Variants in KIF14 observed in about 807,000 individuals in gnomAD.
The protein encoded by KIF14 is kinesin-like protein KIF14.
A neutral mutation model predicts 176.2 loss-of-function variants in KIF14; 98 were observed. The observed-to-expected ratio is 0.56, with a 90% confidence interval of 0.47 to 0.66. KIF14 has a LOEUF of 0.66. Ranked by LOEUF, KIF14 falls within the 30% of genes least tolerant of loss-of-function variation. The pLI, the probability that KIF14 is intolerant of heterozygous loss-of-function variation, is 0.00. For synonymous variants in KIF14, 566 were observed against 632.2 expected (o/e 0.90, Z 1.57); for missense variants, 1,751 against 1,920.4 (o/e 0.91, Z 1.65).
chr1:200,557,456 A>G (rs1656897141), intron 27 of KIF14, among the ~76,000 whole-genome samples: 1 of 152,218 alleles, frequency 6.6e-6, no homozygotes, highest in African/African-American at 2.4e-5. Flanking sequence ...ATCTCATATG[A>G]TCCTCAGAAC....
At chr1:200,570,635 C>A (rs925094333) in intron 22 of KIF14, among the ~76,000 whole-genome samples, 13 of 152,214 alleles carry the variant, frequency 8.5e-5, no homozygotes, top group African/African-American at 2.9e-4. Flanking sequence ...TGCACAGGGG[C>A]CAGCTTGAGG....
At chr1:200,567,869 C>T (rs1034025203) in intron 23 of KIF14, among the ~76,000 whole-genome samples, 1 of 150,752 alleles carries the variant, frequency 6.6e-6, no homozygotes, top group East Asian at 1.9e-4. Context: ...AGCTACAAAA[C>T]CCAAAGCTAC....
chr1:200,620,274 G>A (rs1660618203), intron 1 of KIF14, 137 bp downstream of exon 1: 1 of 152,244 alleles, frequency 6.6e-6, no homozygotes, highest in South Asian at 2.1e-4. Context: ...TACGGTTTCT[G>A]TTTGAGGAGT....
At chr1:200,597,357 T>C (rs1043716957) in intron 14 of KIF14, among the ~76,000 whole-genome samples, 2 of 152,148 alleles carry the variant, frequency 1.3e-5, no homozygotes, top group Non-Finnish European at 2.9e-5. Flanking sequence ...TGGCAACTCC[T>C]ACAAATTATT....
intron 23 of KIF14, among the ~76,000 whole-genome samples, chr1:200,567,963 T>C (rs1657561383): frequency 6.6e-6 from 1 of 152,152 alleles, no homozygotes; most frequent in Non-Finnish European, 1.5e-5. Context: ...ATATTCTCTA[T>C]TTAAGAAGAT....
intron 5 of KIF14, among the ~76,000 whole-genome samples, 191 bp downstream of exon 5, chr1:200,608,639 A>C (rs1660003980): frequency 6.6e-6 from 1 of 152,170 alleles, no homozygotes; most frequent in South Asian, 2.1e-4. Context: ...CTGGGATTAC[A>C]GGAGTGAGCC....
At chr1:200,579,383 G>T (rs1349938266) in intron 21 of KIF14, among the ~76,000 whole-genome samples, 1 of 152,146 alleles carries the variant, frequency 6.6e-6, no homozygotes, top group Non-Finnish European at 1.5e-5. Flanking sequence ...AAGGCGGGTG[G>T]ATCACCCGAG....
At chr1:200,607,708 C>T (rs1235794373) in intron 5 of KIF14, among the ~76,000 whole-genome samples, 1 of 151,956 alleles carries the variant, frequency 6.6e-6, no homozygotes, top group African/African-American at 2.4e-5. Flanking sequence ...CAGCTGACTT[C>T]CTTTTTTTTC....
At position 200,553,109 on chromosome 1, in the gene KIF14, A is replaced by C. The variant is rs1267265652; in HGVS notation, c.*279T>G. On this transcript the variant is annotated 3_prime_UTR_variant, in exon 30 of 30. Coordinates refer to ENST00000367350, the MANE Select transcript of KIF14 (RefSeq NM_014875.3). ...CAGGCACGCGCCACCATGCCCAGCA[A>C]ATTTTTGTATTTTTAGTAGAGACGG... 1.1e-5 allele frequency: 2 copies of C among 184,192 alleles called. No homozygotes were observed. Among genetic ancestry groups the C allele is most frequent in the East Asian group, 1.4e-4 (1 of 7,228 alleles). The allele number at this position is 184,192 out of a possible 1,614,324, so 11.4% of individuals were successfully genotyped here.
rs57476742 is a variant in KIF14, at chr1:200,593,927, G to GTTTTTT, written c.2550-164_2550-159dup. ...AAATTATTTTATTTTCCTCCAACTA[G>GTTTTTT]TTTTTTTTTTTTTTTTTTTTTGAGA... On this transcript the variant is annotated intron_variant, in intron 14 of 29. Transcript: ENST00000367350. Among the ~76,000 whole-genome samples, 415 of 100,536 alleles carry GTTTTTT rather than the reference G, an allele frequency of 4.1e-3. 13 individuals carry two copies. The highest frequency in any genetic ancestry group is 7.5e-3 in the East Asian group (25 of 3,312). The allele number at this position is 100,536 out of a possible 152,430, so 66.0% of individuals were successfully genotyped here.
intron 18 of KIF14, among the ~76,000 whole-genome samples, chr1:200,586,816 T>TAC (rs1553257549): frequency 2.9e-5 from 4 of 138,226 alleles, no homozygotes; most frequent in East Asian, 4.2e-4. Context: ...TATATATATA[T>TAC]ACACCATGAA....
intron 21 of KIF14, among the ~76,000 whole-genome samples, chr1:200,577,122 C>A (rs1658160107): frequency 7.1e-6 from 1 of 139,886 alleles, no homozygotes; most frequent in South Asian, 2.3e-4. Context: ...TCAGCATGGC[C>A]AACATGGTAA....
intron 4 of KIF14, among the ~76,000 whole-genome samples, chr1:200,613,177 C>T (rs552957452): frequency 9.2e-5 from 14 of 152,166 alleles, no homozygotes; most frequent in South Asian, 8.3e-4. Flanking sequence ...CATGAGCCAC[C>T]GCACCCAGCC....
At chr1:200,569,860 C>A (rs561754966) in intron 23 of KIF14, 51 bp downstream of exon 23, 15 of 972,784 alleles carry the variant, frequency 1.5e-5, no homozygotes, top group Non-Finnish European at 2.1e-5. Flanking sequence ...AATGGTAGAA[C>A]CAGGACTCAA....
Position 200,555,377 on chromosome 1 carries a change from T to C in KIF14, c.4428+3A>G. The C allele has an allele frequency of 6.5e-7, 1 of 1,541,004 alleles. No individual in the cohort carries two copies. The highest frequency in any genetic ancestry group is 8.8e-7 in the Non-Finnish European group (1 of 1,133,038). The stretch of plus-strand genomic sequence containing the variant: ...ATTAAAATCAATTTAAAGCTTCTCT[T>C]ACAATTTTCGATTCAGCAAAGATGT... On this transcript the variant is annotated splice_donor_region_variant and intron_variant, in intron 28 of 29. Transcript: ENST00000367350.
chr1:200,563,026 T>C (rs542156432), intron 25 of KIF14, among the ~76,000 whole-genome samples: 28 of 152,200 alleles, frequency 1.8e-4, no homozygotes, highest in Non-Finnish European at 3.7e-4. Flanking sequence ...TTTAGGGTTA[T>C]CAGAGAAGCA....
chr1:200,583,975 GGCTCACAA>G (rs1453670864), intron 19 of KIF14, among the ~76,000 whole-genome samples: 1 of 151,556 alleles, frequency 6.6e-6, no homozygotes, highest in Non-Finnish European at 1.5e-5. Context: ...GGGCCCCGGT[GGCTCACAA>G]CTGTAAACCC....
In KIF14 at chr1:200,565,686, T is replaced by C. The variant is rs1190847982; in HGVS notation, c.3662-17A>G. ...CCATTAAACCTACATCAACAGAAAA[T>C]AGCCATTTTAAGCTTGTTTTCAGGA... On this transcript the variant is annotated splice_polypyrimidine_tract_variant and intron_variant, in intron 23 of 29. Coordinates refer to ENST00000367350, the MANE Select transcript of KIF14 (RefSeq NM_014875.3). 1.3e-6 allele frequency: 2 copies of C among 1,504,714 alleles called. No individual in the cohort carries two copies. Among genetic ancestry groups the C allele is most frequent in the Non-Finnish European group, 1.8e-6 (2 of 1,113,594 alleles). The allele number at this position is 1,504,714 out of a possible 1,614,324, so 93.2% of individuals were successfully genotyped here. A position where few individuals can be genotyped will look rare whatever the true frequency, so the allele number is the denominator to read the frequency against.
chr1:200,592,019 G>A, intron 16 of KIF14, 61 bp downstream of exon 16: 2 of 1,378,264 alleles, frequency 1.5e-6, no homozygotes, highest in Non-Finnish European at 2.0e-6. Flanking sequence ...GGCACAATGT[G>A]ATTAACTCTG....
Sources: allele counts gnomAD v4.1 joint callset (sites outside exome capture counted in the v4.1 genomes callset), GRCh38; gene constraint gnomAD v4.1.1; transcripts MANE v1.5; gene names NCBI Gene and HGNC (gene_info 2026-07-23, HGNC 2026-07-21).